Variants in TRHDE observed in about 807,000 individuals in gnomAD.
TRHDE encodes the protein thyrotropin-releasing hormone-degrading ectoenzyme.
TRHDE carries 72 observed loss-of-function variants against 125.7 expected under a neutral mutation model. That is an observed-to-expected ratio of 0.57 (90% CI 0.47 to 0.70). The LOEUF is 0.70. Ranked by LOEUF, TRHDE falls within the 30% of genes least tolerant of loss-of-function variation. The pLI is 0.00. For synonymous variants in TRHDE, 509 were observed against 509.1 expected, an observed-to-expected ratio of 1.00 and a Z score of 0.00; for missense variants, 1,110 against 1,327.1, an observed-to-expected ratio of 0.84 and a Z score of 2.54.
intron 5 of TRHDE, among the ~76,000 whole-genome samples, chr12:72,492,555 C>A (rs952388451): frequency 2.0e-5 from 3 of 151,738 alleles, no homozygotes; most frequent in African/African-American, 7.3e-5. Context: ...TATTTTCCCC[C>A]AATATATTTA....
intron 18 of TRHDE, among the ~76,000 whole-genome samples, chr12:72,660,108 G>C (rs1874859244): frequency 6.6e-6 from 1 of 152,254 alleles, no homozygotes; most frequent in Admixed American, 6.5e-5. Flanking sequence ...ATGGGACAGG[G>C]GGCCCTTCCC....
chr12:72,551,145 A>G (rs1359202578), intron 7 of TRHDE, among the ~76,000 whole-genome samples: 1 of 152,096 alleles, frequency 6.6e-6, no homozygotes, highest in Non-Finnish European at 1.5e-5. Context: ...ATATGTCAAA[A>G]TTATTGTTAT....
chr12:72,614,934 A>C (rs1872760272), intron 12 of TRHDE, among the ~76,000 whole-genome samples: 1 of 152,158 alleles, frequency 6.6e-6, no homozygotes, highest in African/African-American at 2.4e-5. Flanking sequence ...TCCTTCTTAT[A>C]AAATACATTA....
intron 2 of TRHDE, among the ~76,000 whole-genome samples, chr12:72,359,709 G>A (rs1870981802): frequency 1.3e-5 from 2 of 151,614 alleles, no homozygotes; most frequent in Admixed American, 6.6e-5. Flanking sequence ...TATTTTGAAG[G>A]TGTCAAGTTG....
chr12:72,636,213 CT>C (rs1873743009), intron 15 of TRHDE, among the ~76,000 whole-genome samples: 1 of 151,922 alleles, frequency 6.6e-6, no homozygotes. Context: ...TGAAGAGGTC[CT>C]TCAGATCCCT....
chr12:72,578,327 G>A (rs1314421310), intron 12 of TRHDE, among the ~76,000 whole-genome samples: 1 of 152,096 alleles, frequency 6.6e-6, no homozygotes, highest in Non-Finnish European at 1.5e-5. Flanking sequence ...CAGGGGTGGA[G>A]GAAGTAGTTC....
rs143883227 is a variant in TRHDE at position 72,627,916 on chromosome 12, C to T, written c.2675+6165C>T. On this transcript the variant is annotated intron_variant, in intron 15 of 18. Coordinates refer to ENST00000261180, the MANE Select transcript of TRHDE (RefSeq NM_013381.3). ...CTTGCTGGTCCTAAACTCCTGGTCT[C>T]AAGCAATCCTCCTGCCTTAGTCTGT... Among the ~76,000 whole-genome samples the T allele has an allele frequency of 3.2e-3, 487 of 151,694 alleles. 1 individual carries two copies. The highest frequency in any genetic ancestry group is 5.7e-3 in the Non-Finnish European group (390 of 67,838).
At chr12:72,622,828 A>T (rs898040455) in intron 15 of TRHDE, among the ~76,000 whole-genome samples, 1 of 152,012 alleles carries the variant, frequency 6.6e-6, no homozygotes, top group Non-Finnish European at 1.5e-5. Flanking sequence ...TTAGTAACTC[A>T]TAATACCTCA....
intron 12 of TRHDE, chr12:72,611,053 A>T (rs1400208961): frequency 6.1e-6 from 1 of 163,746 alleles, no homozygotes; most frequent in East Asian, 1.7e-4. Context: ...GTGGCAAAGC[A>T]GCAGGATGCA....
At chr12:72,635,060 C>A (rs1171152396) in intron 15 of TRHDE, among the ~76,000 whole-genome samples, 11 of 151,466 alleles carry the variant, frequency 7.3e-5, no homozygotes, top group Middle Eastern at 3.4e-3. Flanking sequence ...AGTTCTAGAT[C>A]CCTGAGGAAT....
At chr12:72,267,653 AT>A (rs775487778), upstream of TRHDE, among the ~76,000 whole-genome samples, 2 of 152,240 alleles carry the variant, frequency 1.3e-5, no homozygotes, top group African/African-American at 2.4e-5. Flanking sequence ...CTCTAAAAAA[AT>A]ATGTGTAATA....
intron 6 of TRHDE, among the ~76,000 whole-genome samples, chr12:72,538,999 C>T (rs1027200476): frequency 6.6e-6 from 1 of 151,802 alleles, no homozygotes; most frequent in Non-Finnish European, 1.5e-5. Context: ...ATAAACTTCC[C>T]TACTTGTGAT....
chr12:72,526,926 G>A (rs2135969487), intron 6 of TRHDE, among the ~76,000 whole-genome samples: 1 of 152,240 alleles, frequency 6.6e-6, no homozygotes, highest in Middle Eastern at 3.4e-3. Context: ...TCAGAAAAGA[G>A]GAGTCAATGT....
chr12:72,326,612 A>T (rs890545360), intron 2 of TRHDE, among the ~76,000 whole-genome samples: 1 of 152,200 alleles, frequency 6.6e-6, no homozygotes, highest in Non-Finnish European at 1.5e-5. Context: ...AAGCTTAGGA[A>T]ATTCACACAA....
intron 3 of TRHDE, among the ~76,000 whole-genome samples, chr12:72,419,127 T>C (rs1873847633): frequency 6.6e-6 from 1 of 152,164 alleles, no homozygotes; most frequent in South Asian, 2.1e-4. Context: ...GTGGAGCTAT[T>C]TAAACACTTA....
At chr12:72,216,282 C>G (rs1196081723) in intron 2 of TRHDE, among the ~76,000 whole-genome samples, 2 of 152,058 alleles carry the variant, frequency 1.3e-5, no homozygotes, top group East Asian at 3.9e-4. Flanking sequence ...AGCATGCCAG[C>G]TCCGTAGTAT....
At chr12:72,512,606 TA>T (rs1878654280) in intron 6 of TRHDE, among the ~76,000 whole-genome samples, 1 of 141,912 alleles carries the variant, frequency 7.0e-6, no homozygotes, top group Non-Finnish European at 1.5e-5. Context: ...ATCATATATA[TA>T]ATTATATATA....
intron 3 of TRHDE, among the ~76,000 whole-genome samples, chr12:72,391,221 T>G (rs1026542772): frequency 1.3e-5 from 2 of 152,194 alleles, no homozygotes; most frequent in African/African-American, 2.4e-5. Flanking sequence ...CTTTTAGTCT[T>G]AAAGTCTTTC....
intron 3 of TRHDE, among the ~76,000 whole-genome samples, chr12:72,433,211 T>G (rs1207261502): frequency 6.6e-6 from 1 of 152,182 alleles, no homozygotes; most frequent in African/African-American, 2.4e-5. Context: ...AGCATGTTGA[T>G]GATGATTTTT....
Sources: gnomAD v4.1 joint callset for allele counts (sites outside exome capture counted in the v4.1 genomes callset) on GRCh38, gnomAD v4.1.1 for gene constraint, MANE v1.5 for transcripts, NCBI Gene and HGNC (gene_info 2026-07-23, HGNC 2026-07-21) for gene names.